The following PCDH15 variants were observed in gnomAD, a reference collection of about 807,000 sequenced individuals.
PCDH15 encodes protocadherin related 15.
PCDH15 carries 129 observed loss-of-function variants against 178.5 expected under a neutral mutation model. That is an observed-to-expected ratio of 0.72 (90% CI 0.63 to 0.84). PCDH15 has a LOEUF of 0.84. PCDH15 is among the 40% of genes least tolerant of loss of function. The probability of loss-of-function intolerance (pLI) is 0.00; values close to 1 mark genes in which losing one functional copy is unlikely to be tolerated. For synonymous variants in PCDH15, 800 were observed against 732.0 expected (o/e 1.09, Z -1.50); for missense variants, 2,230 against 2,099.9 (o/e 1.06, Z -1.21).
At chr10:55,149,211 C>A (rs896739011) in intron 2 of PCDH15, among the ~76,000 whole-genome samples, 1 of 150,572 alleles carries the variant, frequency 6.6e-6, no homozygotes, top group Non-Finnish European at 1.5e-5. Flanking sequence ...AGAAATGGAG[C>A]AGTCTTTCAA....
intron 2 of PCDH15, among the ~76,000 whole-genome samples, chr10:55,489,907 T>G (rs1454512231): frequency 2.0e-5 from 3 of 151,496 alleles, no homozygotes; most frequent in African/African-American, 7.3e-5. Flanking sequence ...CAAAGGAACT[T>G]AGAAAGAAGT....
chr10:55,047,061 ATATC>A (rs1485222099), intron 2 of PCDH15, among the ~76,000 whole-genome samples: 1 of 151,824 alleles, frequency 6.6e-6, no homozygotes, highest in Non-Finnish European at 1.5e-5. Flanking sequence ...CTTCAGTTGA[ATATC>A]TAAGATTAAT....
rs372236164 is a variant in PCDH15 at position 54,179,874 on chromosome 10, T to C, written c.1590+3570A>G. Among the ~76,000 whole-genome samples, 6 of 152,306 alleles carry C rather than the reference T, an allele frequency of 3.9e-5. No individual in the cohort carries two copies. The East Asian group carries it at 1.2e-3, about 29-fold the overall frequency. On this transcript the variant is annotated intron_variant, in intron 13 of 37. Coordinates refer to ENST00000644397, the MANE Select transcript of PCDH15 (RefSeq NM_001384140.1). ...TTTGCGAATAGTGTTTATGGAGCAT[T>C]AATTGGATAGCTAGCTACTAGTATT...
intron 28 of PCDH15, among the ~76,000 whole-genome samples, chr10:53,846,979 A>G (rs769796368): frequency 1.3e-5 from 2 of 152,046 alleles, no homozygotes; most frequent in Non-Finnish European, 2.9e-5. Flanking sequence ...CCTAAGAGGC[A>G]GTGTAACAGA....
intron 2 of PCDH15, among the ~76,000 whole-genome samples, chr10:54,931,001 T>C (rs1450623817): frequency 6.6e-6 from 1 of 152,208 alleles, no homozygotes. Flanking sequence ...TGATGGATTA[T>C]ATATTTACTT....
chr10:54,787,051 A>C (rs924079941), intron 1 of PCDH15, among the ~76,000 whole-genome samples: 1 of 151,796 alleles, frequency 6.6e-6, no homozygotes, highest in Non-Finnish European at 1.5e-5. Flanking sequence ...TAATTATCTA[A>C]CTTTGAAGGT....
rs202090582 is a variant in PCDH15, at chr10:55,407,727, TG to T, written c.-156+219897del. Among the ~76,000 whole-genome samples, 11 of 152,288 alleles carry T rather than the reference TG, an allele frequency of 7.2e-5. No individual in the cohort carries two copies. The East Asian group carries it at 2.1e-3, about 29-fold the overall frequency. On this transcript the variant is annotated intron_variant, in intron 2 of 5. Transcript: ENST00000613346. ...ACACATGCACAAACACACACAAGCA[TG>T]TGTACTGATTACTTATAAGACGCAT...
chr10:54,672,204 T>G (rs2094687820), intron 1 of PCDH15, among the ~76,000 whole-genome samples: 1 of 151,440 alleles, frequency 6.6e-6, no homozygotes. Flanking sequence ...GTTGTATGAT[T>G]ATATCATTAT....
chr10:54,883,989 T>C (rs1954307768), intron 3 of PCDH15, among the ~76,000 whole-genome samples: 1 of 152,058 alleles, frequency 6.6e-6, no homozygotes, highest in Non-Finnish European at 1.5e-5. Flanking sequence ...ATAACATATT[T>C]ATAAATAAAA....
chr10:54,605,021 C>T (rs2134145103), intron 2 of PCDH15, among the ~76,000 whole-genome samples: 1 of 151,948 alleles, frequency 6.6e-6, no homozygotes, highest in African/African-American at 2.4e-5. Context: ...TTCTCTTCCA[C>T]ACAAAAACTT....
At chr10:54,999,010 A>T (rs1005126610) in intron 2 of PCDH15, among the ~76,000 whole-genome samples, 1 of 151,810 alleles carries the variant, frequency 6.6e-6, no homozygotes, top group African/African-American at 2.4e-5. Flanking sequence ...TTCATTTTCT[A>T]TCTTTTCTTA....
chr10:55,300,600 T>C (rs1843247736), intron 1 of PCDH15, among the ~76,000 whole-genome samples: 1 of 152,186 alleles, frequency 6.6e-6, no homozygotes, highest in African/African-American at 2.4e-5. Flanking sequence ...TTTTCATATT[T>C]TATCTAAATA....
intron 15 of PCDH15, among the ~76,000 whole-genome samples, chr10:54,124,415 T>C (rs1294951883): frequency 8.5e-5 from 13 of 152,106 alleles, no homozygotes; most frequent in Admixed American, 7.2e-4. Flanking sequence ...CAGACGGTGA[T>C]GATGTTGCAC....
chr10:54,770,355 A>G (rs1349711837), intron 1 of PCDH15, among the ~76,000 whole-genome samples: 1 of 152,132 alleles, frequency 6.6e-6, no homozygotes, highest in African/African-American at 2.4e-5. Context: ...TTTTGTTAGA[A>G]TAACAAAAAT....
intron 3 of PCDH15, among the ~76,000 whole-genome samples, chr10:54,468,853 C>T (rs369008721): frequency 6.6e-6 from 1 of 152,076 alleles, no homozygotes; most frequent in Non-Finnish European, 1.5e-5. Context: ...CATATATTTA[C>T]AGTTGTTATA....
chr10:54,812,070 T>C (rs1952872310), intron 3 of PCDH15, among the ~76,000 whole-genome samples: 1 of 152,134 alleles, frequency 6.6e-6, no homozygotes, highest in South Asian at 2.1e-4. Context: ...CATATTAAGC[T>C]AAGTAATAAA....
At chr10:55,022,223 C>A (rs1216845587) in intron 2 of PCDH15, among the ~76,000 whole-genome samples, 1 of 151,970 alleles carries the variant, frequency 6.6e-6, no homozygotes, top group African/African-American at 2.4e-5. Flanking sequence ...AAGGCCAAGG[C>A]AGCCGGATCA....
chr10:55,532,893 T>C (rs1384820309), intron 2 of PCDH15, among the ~76,000 whole-genome samples: 1 of 152,038 alleles, frequency 6.6e-6, no homozygotes, highest in Non-Finnish European at 1.5e-5. Flanking sequence ...CTTACTGTCA[T>C]GATTCAACTC....
rs370318407 is a variant in PCDH15 at position 54,395,915 on chromosome 10, G to A, written c.158-16973C>T. On this transcript the variant is annotated intron_variant, in intron 3 of 37. Transcript: ENST00000644397. ...CATGGGAGTGGAGTGAGGAATAATT[G>A]AAGAAAAGGCTCTTGCTGAACCAAT... Among the ~76,000 whole-genome samples, 166 of 152,210 alleles carry A rather than the reference G, an allele frequency of 1.1e-3. 4 individuals carry two copies. The South Asian group carries it at 0.023, about 21-fold the overall frequency.
Sources: gnomAD v4.1 joint callset for allele counts (sites outside exome capture counted in the v4.1 genomes callset) on GRCh38, gnomAD v4.1.1 for gene constraint, MANE v1.5 for transcripts, NCBI Gene and HGNC (gene_info 2026-07-23, HGNC 2026-07-21) for gene names.